Variants in LPA observed in about 807,000 individuals in gnomAD.
LPA encodes the protein apolipoprotein(a).
In LPA, 199 loss-of-function variants were observed where a neutral mutation model predicts 197.9. The observed-to-expected ratio is 1.01, with a 90% confidence interval of 0.90 to 1.13. LPA has a LOEUF of 1.13. Ranked by LOEUF, LPA falls within the 50% of genes most tolerant of loss-of-function variation. The pLI is 0.00. For missense variants in LPA, 1,853 were observed against 1,785.8 expected, an observed-to-expected ratio of 1.04 and a Z score of -0.68; for synonymous variants, 715 against 639.5, an observed-to-expected ratio of 1.12 and a Z score of -1.78.
At chr6:160,663,175 T>C (rs1159071698) in intron 1 of LPA, among the ~76,000 whole-genome samples, 2 of 152,202 alleles carry the variant, frequency 1.3e-5, no homozygotes, top group Non-Finnish European at 2.9e-5. Context: ...TGGAAGCAAA[T>C]CACTTTCTTT....
intron 33 of LPA, among the ~76,000 whole-genome samples, chr6:160,544,024 C>T (rs1778024471): frequency 1.3e-5 from 2 of 152,158 alleles, no homozygotes; most frequent in African/African-American, 4.8e-5. Flanking sequence ...AATCTTGTTC[C>T]CATTCTTCCT....
At chr6:160,602,420 T>C (rs768881111) in intron 18 of LPA, among the ~76,000 whole-genome samples, 1 of 152,190 alleles carries the variant, frequency 6.6e-6, no homozygotes, top group African/African-American at 2.4e-5. Context: ...ATTCCCCACA[T>C]GATTTAGTCT....
intron 1 of LPA, among the ~76,000 whole-genome samples, chr6:160,656,085 A>G (rs904081160): frequency 6.6e-6 from 1 of 152,210 alleles, no homozygotes; most frequent in African/African-American, 2.4e-5. Flanking sequence ...CTGCAATTGG[A>G]GTCACCACTT....
chr6:160,562,160 A>T (rs1778373286), intron 28 of LPA, among the ~76,000 whole-genome samples: 1 of 152,196 alleles, frequency 6.6e-6, no homozygotes, highest in South Asian at 2.1e-4. Flanking sequence ...TTCAAAGGGA[A>T]TGCTTCCAGC....
intron 29 of LPA, 136 bp downstream of exon 29, chr6:160,557,254 G>C (rs1480550555): frequency 1.0e-5 from 11 of 1,064,798 alleles, no homozygotes; most frequent in Non-Finnish European, 1.3e-5. Flanking sequence ...CCACCAGAGA[G>C]AGTGCTGAGG....
chr6:160,648,484 A>T (rs1273113236), intron 2 of LPA, among the ~76,000 whole-genome samples: 1 of 152,042 alleles, frequency 6.6e-6, no homozygotes, highest in East Asian at 1.9e-4. Context: ...TGCTTCCCAC[A>T]TGTAGGAAAT....
At chr6:160,555,287 A>AG (rs1778238662) in intron 30 of LPA, among the ~76,000 whole-genome samples, 6 of 107,186 alleles carry the variant, frequency 5.6e-5, no homozygotes, top group African/African-American at 2.3e-4. Context: ...ATATTATATT[A>AG]TATGTTAGTG....
rs1491577057 is a variant in LPA, at chr6:160,653,974, A to ATATATAATATATATT, written c.50-3478_50-3477insAATATATATTATATA. On this transcript the variant is annotated intron_variant, in intron 1 of 38. Transcript: ENST00000316300. ...ATTATATATAATATATATTATATAT[A>ATATATAATATATATT]ATATATAATATATAATATATATTAT... is the stretch of plus-strand genomic sequence containing the variant. 1.8e-4 allele frequency among the ~76,000 whole-genome samples: 3 copies of ATATATAATATATATT among 16,346 alleles called. 1 individual carries two copies. Among genetic ancestry groups the ATATATAATATATATT allele is most frequent in the East Asian group, 2.9e-3 (1 of 344 alleles). 10.7% of individuals were successfully genotyped at this position (16,346 alleles called of 152,430 possible).
intron 16 of LPA, among the ~76,000 whole-genome samples, chr6:160,611,006 C>T (rs1779495296): frequency 6.6e-6 from 1 of 152,160 alleles, no homozygotes; most frequent in Non-Finnish European, 1.5e-5. Flanking sequence ...TCTGTGCTGA[C>T]TCTCATCTGC....
intron 1 of LPA, among the ~76,000 whole-genome samples, chr6:160,659,968 C>T (rs1780196946): frequency 6.6e-6 from 1 of 152,218 alleles, no homozygotes; most frequent in South Asian, 2.1e-4. Context: ...GAAGTAATTC[C>T]AACCTAAAGA....
chr6:160,647,698 C>T (rs1202285920), intron 2 of LPA, among the ~76,000 whole-genome samples: 3 of 152,190 alleles, frequency 2.0e-5, no homozygotes, highest in African/African-American at 7.2e-5. Context: ...GTATTACATA[C>T]TATCGTGCAT....
At position 160,548,546 on chromosome 6, in the gene LPA, G is replaced by C; in HGVS notation, c.5087C>G (p.Thr1696Arg). Residue 1696 changes from threonine (T) to arginine (R), a missense_variant, in exon 31 of 39, where the codon ACA becomes AGA. By Grantham distance (71) the Thr-to-Arg change is moderately conservative. Around this residue, in one of 3 missense-constraint regions of LPA, gnomAD observed 1,737 missense variants for 1,504.4 expected, o/e 1.15. Coordinates refer to ENST00000316300, the MANE Select transcript of LPA (RefSeq NM_005577.4). ...CGGAGGAGCGACCACAGTCCCTTCT[G>C]TGTCTGAGCATCGCGTCAGGTTGCA... Reference protein sequence around the residue: ...EYCNLTRCSDTEGTVVAPPTV... With the variant: ...EYCNLTRCSDREGTVVAPPTV... 1 of 1,613,906 alleles carries C rather than the reference G, an allele frequency of 6.2e-7. No individual in the cohort carries two copies. The highest frequency in any genetic ancestry group is 8.5e-7 in the Non-Finnish European group (1 of 1,179,852).
chr6:160,609,212 C>T (rs1318459587), intron 16 of LPA, among the ~76,000 whole-genome samples: 4 of 152,096 alleles, frequency 2.6e-5, no homozygotes, highest in Admixed American at 2.0e-4. Flanking sequence ...ATTCCAAAGT[C>T]TTACACTTTC....
chr6:160,541,296 G>T, intron 34 of LPA, 115 bp from the exon 35 acceptor site: 1 of 799,170 alleles, frequency 1.3e-6, no homozygotes. Context: ...TATTCCCAAA[G>T]CAAAGGACTA....
rs185162879 is a variant in LPA, at chr6:160,610,767, C to T, written c.2603+795G>A. ...AGGCTGCTTGAGCTCCATCTCCTTGCTATTCAGTGCAGGAAGGGTATCCAG... is the reference window on the plus strand; with the variant it reads ...AGGCTGCTTGAGCTCCATCTCCTTGTTATTCAGTGCAGGAAGGGTATCCAG... On this transcript the variant is annotated intron_variant, in intron 16 of 38. Transcript: ENST00000316300. Among the ~76,000 whole-genome samples, 245 of 152,286 alleles carry T rather than the reference C, an allele frequency of 1.6e-3. 2 individuals are homozygous for T. The highest frequency in any genetic ancestry group is 3.6e-3 in the Admixed American group (55 of 15,310).
At chr6:160,657,519 C>T (rs1240380890) in intron 1 of LPA, among the ~76,000 whole-genome samples, 1 of 151,892 alleles carries the variant, frequency 6.6e-6, no homozygotes, top group Admixed American at 6.6e-5. Context: ...TTGCCTCAGC[C>T]TCCCAAGTAG....
chr6:160,651,638 C>T (rs1253082907), intron 1 of LPA, among the ~76,000 whole-genome samples: 3 of 152,114 alleles, frequency 2.0e-5, no homozygotes, highest in Non-Finnish European at 4.4e-5. Context: ...TAAACAATTA[C>T]AAGACACACC....
intron 33 of LPA, among the ~76,000 whole-genome samples, chr6:160,543,195 C>T (rs565809314): frequency 1.8e-4 from 27 of 152,264 alleles, no homozygotes; most frequent in Admixed American, 2.6e-4. Context: ...GGGGAGCCTC[C>T]CATGACTAAC....
chr6:160,653,208 A>T (rs2115102006), intron 1 of LPA, among the ~76,000 whole-genome samples: 1 of 152,270 alleles, frequency 6.6e-6, no homozygotes, highest in Admixed American at 6.5e-5. Context: ...CATAATGATA[A>T]AGGTCATCAT....
Sources: gnomAD v4.1 joint callset for allele counts (sites outside exome capture counted in the v4.1 genomes callset) on GRCh38, gnomAD v4.1.1 for gene constraint, gnomAD v4.1.1 regional missense constraint, MANE v1.5 for transcripts, NCBI Gene and HGNC (gene_info 2026-07-23, HGNC 2026-07-21) for gene names.